KLF18: variants seen among roughly 807,000 people sequenced by gnomAD.
KLF18 encodes Kruppel-like factor 18.
chr1:44,138,829 A>G lies in KLF18; in HGVS notation c.2803T>C (p.Ser935Pro). 2.5e-6 allele frequency: 1 copy of G among 398,648 alleles called. No homozygotes were observed. The highest frequency in any genetic ancestry group is 4.4e-6 in the Non-Finnish European group (1 of 226,076). The allele number at this position is 398,648 out of a possible 1,614,324, so 24.7% of individuals were successfully genotyped here. Residue 935 changes from serine (S) to proline (P), a missense_variant, in exon 1 of 2, where the codon TCA (serine) becomes CCA (proline). Ser to Pro is a moderately conservative substitution (Grantham distance 74). Transcript: ENST00000634670. ...TGTCCTTGAATCAAATGGGAACTTG[A>G]AAAGCATAGGAATCCTGGGTATGGC... The part of the protein sequence containing the change: ...SLPYPGFLCF[S>P]SSHLIQGQLP...
In KLF18 at chr1:44,138,829, A is replaced by C. The variant is rs1643196591; in HGVS notation, c.2803T>G (p.Ser935Ala). The C allele has an allele frequency of 2.0e-5, 8 of 398,530 alleles. No homozygotes were observed. The highest frequency in any genetic ancestry group is 8.8e-6 in the Non-Finnish European group (2 of 226,084). 24.7% of individuals were successfully genotyped at this position (398,530 alleles called of 1,614,324 possible). A position where few individuals can be genotyped will look rare whatever the true frequency, so the allele number is the denominator to read the frequency against. Residue 935 changes from serine to alanine, a missense_variant, in exon 1 of 2, where the codon TCA (serine) becomes GCA (alanine). Ser to Ala is a moderately conservative substitution (Grantham distance 99). Coordinates refer to ENST00000634670, the MANE Select transcript of KLF18 (RefSeq NM_001358438.1). ...TGTCCTTGAATCAAATGGGAACTTG[A>C]AAAGCATAGGAATCCTGGGTATGGC... Reference protein sequence around the residue: ...SLPYPGFLCFSSSHLIQGQLP... With the variant: ...SLPYPGFLCFASSHLIQGQLP...
In KLF18 at chr1:44,139,256, G is replaced by T. The variant is rs1210312897; in HGVS notation, c.2376C>A (p.Thr792=). The T allele has an allele frequency of 2.6e-5, 10 of 390,008 alleles. No homozygotes were observed. In the East Asian group the frequency reaches 3.7e-4, roughly 14 times the overall value. 24.2% of individuals were successfully genotyped at this position (390,008 alleles called of 1,614,324 possible). ...AGGTCGTCACCTGCTCCCCACAGAG[G>T]GTCTGGTTACTAGTGGGGGTCGTCA... ...EQMTTPTSNQ[T]LCGEQVTTST... Residue 792 remains threonine (T), a synonymous_variant, in exon 1 of 2, where the codon ACC becomes ACA. Transcript: ENST00000634670.
rs1284538247 is a variant in KLF18, at chr1:44,139,795, C to A, written c.1837G>T (p.Gly613Trp). The A allele has an allele frequency of 5.1e-6, 2 of 389,688 alleles. No homozygotes were observed. Among genetic ancestry groups the A allele is most frequent in the African/African-American group, 2.1e-5 (1 of 46,826 alleles). 24.1% of individuals were successfully genotyped at this position (389,688 alleles called of 1,614,324 possible). Residue 613 changes from glycine to tryptophan, a missense_variant, in exon 1 of 2, where the codon GGG (glycine) becomes TGG (tryptophan). Transcript: ENST00000634670. ...CCAGTGGAGGTCATCATCTGCCCCC[C>A]ATAGAGGGCCTGGTTACCAGTGGAG... ...TTSTGNQALY[G>W]GQMMTSTGNQ...
Position 44,139,163 on chromosome 1 carries a change from T to C in KLF18, c.2469A>G (p.Gly823=), listed in dbSNP as rs77296247. 1.9e-5 allele frequency: 7 copies of C among 375,200 alleles called. No individual in the cohort carries two copies. Among genetic ancestry groups the C allele is most frequent in the East Asian group, 7.5e-5 (2 of 26,686 alleles). 23.2% of individuals were successfully genotyped at this position (375,200 alleles called of 1,614,324 possible). The part of the protein sequence containing the change: ...TTSTSNQTLC[G]EQMTTSTSNQ... ...TACTAGTGGAGGTCGTCATCTGCTC[T>C]CCACAGAGGGTCTGGTTACTAGTGG... The change falls in exon 1 of 2, where the codon GGA becomes GGG. Residue 823 remains glycine, a synonymous_variant. Coordinates refer to ENST00000634670, the MANE Select transcript of KLF18 (RefSeq NM_001358438.1).
Position 44,140,794 on chromosome 1 carries a change from T to C in KLF18, c.838A>G (p.Met280Val). 1 of 398,126 alleles carries C rather than the reference T, an allele frequency of 2.5e-6. No homozygotes were observed. The highest frequency in any genetic ancestry group is 4.4e-6 in the Non-Finnish European group (1 of 226,088). The allele number at this position is 398,126 out of a possible 1,614,324, so 24.7% of individuals were successfully genotyped here. A position where few individuals can be genotyped will look rare whatever the true frequency, so the allele number is the denominator to read the frequency against. Residue 280 changes from methionine to valine, a missense_variant, in exon 1 of 2, where the codon ATG (methionine) becomes GTG (valine). Transcript: ENST00000634670. ...TGNQALYGGQ[M>V]TTSASNQTLC... ...GTCTGGTTACTAGCGGAGGTCGTCA[T>C]CTGCCCCCCATAGAGGGCCTGGTTA...
rs1045781511 is a variant in KLF18, at chr1:44,139,354, T to C, written c.2278A>G (p.Thr760Ala). The C allele has an allele frequency of 2.9e-6, 1 of 341,346 alleles. No homozygotes were observed. Among genetic ancestry groups the C allele is most frequent in the Non-Finnish European group, 5.2e-6 (1 of 192,818 alleles). The allele number at this position is 341,346 out of a possible 1,614,324, so 21.1% of individuals were successfully genotyped here. A position where few individuals can be genotyped will look rare whatever the true frequency, so the allele number is the denominator to read the frequency against. Residue 760 changes from threonine to alanine, a missense_variant, in exon 1 of 2, where the codon ACT (threonine) becomes GCT (alanine). Physicochemically the swap from Thr to Ala is moderately conservative, Grantham distance 58. Transcript: ENST00000634670. ...CCCCCGTAGAGGGCCTGGTTACCAG[T>C]GGAGGTTGTCATCTGCTCTCCACAG... ...NLCGEQMTTSTGNQALYGGQM... is the reference protein window; with the variant it reads ...NLCGEQMTTSAGNQALYGGQM...
Position 44,140,171 on chromosome 1 carries a change from C to G in KLF18, c.1461G>C (p.Gly487=). 2.6e-6 allele frequency: 1 copy of G among 387,886 alleles called. No homozygotes were observed. Among genetic ancestry groups the G allele is most frequent in the Non-Finnish European group, 4.5e-6 (1 of 223,402 alleles). The allele number at this position is 387,886 out of a possible 1,614,324, so 24.0% of individuals were successfully genotyped here. Residue 487 remains glycine, a synonymous_variant, in exon 1 of 2, where the codon GGG becomes GGC. Transcript: ENST00000634670. ...TTSTGNQALY[G]GQMMTSTGNQ... ...TACCAGTGGAGGTCATCATCTGCCC[C>G]CCGTAGAGGGCCTGGTTACCAGTGG...
At position 44,138,576 on chromosome 1, in the gene KLF18, T is replaced by G. The variant is rs556635892; in HGVS notation, c.2968+88A>C. The G allele has an allele frequency of 8.8e-5, 35 of 397,460 alleles. No individual in the cohort carries two copies. In the South Asian group the frequency reaches 4.0e-3, roughly 45 times the overall value. The allele number at this position is 397,460 out of a possible 1,614,324, so 24.6% of individuals were successfully genotyped here. ...TTATAGAATTTTTTGAATCCCTGGC[T>G]TAAAGGAAGTGGCAGCAATCTCAAA... On this transcript the variant is annotated intron_variant, in intron 1 of 1. Transcript: ENST00000634670.
rs1465880732 is a variant in KLF18 at position 44,140,272 on chromosome 1, T to C, written c.1360A>G (p.Asn454Asp). The C allele has an allele frequency of 1.0e-5, 4 of 393,842 alleles. No individual in the cohort carries two copies. The highest frequency in any genetic ancestry group is 1.3e-3 in the Middle Eastern group (2 of 1,600). 24.4% of individuals were successfully genotyped at this position (393,842 alleles called of 1,614,324 possible). ...CGEQVMTSTS[N>D]QTLCGEQTTT... is the part of the protein sequence containing the mutation. ...GTCTGCTCTCCACAGAGGGTCTGGT[T>C]ACTAGTGGAGGTCATCACTTGCTCT... Residue 454 changes from asparagine (N) to aspartate (D), a missense_variant, in exon 1 of 2, where the codon AAC becomes GAC. Coordinates refer to ENST00000634670, the MANE Select transcript of KLF18 (RefSeq NM_001358438.1).
In KLF18 at chr1:44,139,970, G is replaced by A. The variant is rs1480377582; in HGVS notation, c.1662C>T (p.Thr554=). The A allele has an allele frequency of 2.6e-6, 1 of 386,934 alleles. No individual in the cohort carries two copies. The highest frequency in any genetic ancestry group is 4.5e-5 in the Admixed American group (1 of 22,164). The allele number at this position is 386,934 out of a possible 1,614,324, so 24.0% of individuals were successfully genotyped here. ...EQMTTPTSNQ[T]LCGEQVTTST... is the part of the protein sequence containing the mutation. ...AGGTCGTCACCTGCTCCCCACAGAG[G>A]GTCTGGTTACTAGTGGGGGTCGTCA... The change falls in exon 1 of 2, where the codon ACC becomes ACT. Residue 554 remains threonine, a synonymous_variant. Transcript: ENST00000634670.
chr1:44,138,460 G>T (rs1447457751), intron 1 of KLF18, among the ~76,000 whole-genome samples: 1 of 140,018 alleles, frequency 7.1e-6, no homozygotes, highest in African/African-American at 2.5e-5. Flanking sequence ...GCCTGGCTCT[G>T]GTCCAGGACT....
rs1386278561 is a variant in KLF18, at chr1:44,139,764, T to A, written c.1868A>T (p.Gln623Leu). ...TGTCATCTGCCCCCCGTAGAGGGCC[T>A]GGTTACCAGTGGAGGTCATCATCTG... ...GGQMMTSTGN[Q>L]ALYGGQMTTS... The change falls in exon 1 of 2, where the codon CAG (glutamine) becomes CTG (leucine). Residue 623 changes from glutamine to leucine, a missense_variant. Coordinates refer to ENST00000634670, the MANE Select transcript of KLF18 (RefSeq NM_001358438.1). 5.1e-6 allele frequency: 2 copies of A among 392,688 alleles called. No individual in the cohort carries two copies. Among genetic ancestry groups the A allele is most frequent in the Non-Finnish European group, 9.0e-6 (2 of 223,146 alleles). The allele number at this position is 392,688 out of a possible 1,614,324, so 24.3% of individuals were successfully genotyped here.
In KLF18 at chr1:44,138,870, T is replaced by C. The variant is rs1459435728; in HGVS notation, c.2762A>G (p.His921Arg). Residue 921 changes from histidine to arginine, a missense_variant, in exon 1 of 2, where the codon CAT (histidine) becomes CGT (arginine). Coordinates refer to ENST00000634670, the MANE Select transcript of KLF18 (RefSeq NM_001358438.1). ...TGGGTATGGCAATGATGAGAACTGATGGGACATCATATATCCCCCATAAAG... is the reference window on the plus strand; with the variant it reads ...TGGGTATGGCAATGATGAGAACTGACGGGACATCATATATCCCCCATAAAG... ...HSLYGGYMMS[H>R]QFSSLPYPGF... 7.5e-6 allele frequency: 3 copies of C among 398,516 alleles called. No individual in the cohort carries two copies. The highest frequency in any genetic ancestry group is 1.3e-5 in the Non-Finnish European group (3 of 226,066). 24.7% of individuals were successfully genotyped at this position (398,516 alleles called of 1,614,324 possible).
In KLF18 at chr1:44,139,799, G is replaced by T. The variant is rs1316921946; in HGVS notation, c.1833C>A (p.Leu611=). The T allele has an allele frequency of 5.1e-6, 2 of 389,366 alleles. No individual in the cohort carries two copies. The highest frequency in any genetic ancestry group is 4.5e-5 in the Admixed American group (1 of 22,214). The allele number at this position is 389,366 out of a possible 1,614,324, so 24.1% of individuals were successfully genotyped here. A position where few individuals can be genotyped will look rare whatever the true frequency, so the allele number is the denominator to read the frequency against. ...QVTTSTGNQA[L]YGGQMMTSTG... is the part of the protein sequence containing the mutation. ...TGGAGGTCATCATCTGCCCCCCATAGAGGGCCTGGTTACCAGTGGAGGTCG... is the reference window on the plus strand; with the variant it reads ...TGGAGGTCATCATCTGCCCCCCATATAGGGCCTGGTTACCAGTGGAGGTCG... The change falls in exon 1 of 2, where the codon CTC becomes CTA. Residue 611 remains leucine (L), a synonymous_variant. Coordinates refer to ENST00000634670, the MANE Select transcript of KLF18 (RefSeq NM_001358438.1).
In KLF18 at chr1:44,140,311, GGTT is replaced by G. The variant is rs1643226282; in HGVS notation, c.1318_1320del (p.Asn440del). ...ATCACTTGCTCTCCACAGAGGTTCT[GGTT>G]ACCAGTGGAGGTCGTCATCTGCCCT... On this transcript the variant is annotated inframe_deletion, in exon 1 of 2. Coordinates refer to ENST00000634670, the MANE Select transcript of KLF18 (RefSeq NM_001358438.1). The G allele has an allele frequency of 3.4e-6, 1 of 295,030 alleles. No individual in the cohort carries two copies. The highest frequency in any genetic ancestry group is 3.2e-5 in the African/African-American group (1 of 31,662). 18.3% of individuals were successfully genotyped at this position (295,030 alleles called of 1,614,324 possible). A position where few individuals can be genotyped will look rare whatever the true frequency, so the allele number is the denominator to read the frequency against.
rs1643221533 is a variant in KLF18 at position 44,140,095 on chromosome 1, GGTT to G, written c.1534_1536del (p.Asn512del). ...GAGGTTGTCATCTGCTCTCCACAGA[GGTT>G]CTGGTTACCAGTGGAGGTCATCATC... On this transcript the variant is annotated inframe_deletion, in exon 1 of 2. Coordinates refer to ENST00000634670, the MANE Select transcript of KLF18 (RefSeq NM_001358438.1). The G allele has an allele frequency of 2.5e-6, 1 of 392,974 alleles. No homozygotes were observed. The highest frequency in any genetic ancestry group is 2.1e-5 in the African/African-American group (1 of 46,726). The allele number at this position is 392,974 out of a possible 1,614,324, so 24.3% of individuals were successfully genotyped here. A position where few individuals can be genotyped will look rare whatever the true frequency, so the allele number is the denominator to read the frequency against.
chr1:44,138,609 G>GGGCTTTGTAAA (rs1557736716), intron 1 of KLF18, 55 bp downstream of exon 1: 23 of 397,486 alleles, frequency 5.8e-5, no homozygotes, highest in African/African-American at 4.3e-4. Flanking sequence ...AAATGCTTCC[G>GGGCTTTGTAAA]GGCACAAATC....
chr1:44,140,836 T>C lies in KLF18; in HGVS notation c.796A>G (p.Met266Val), dbSNP rs1323494982. 2 of 397,594 alleles carry C rather than the reference T, an allele frequency of 5.0e-6. No individual in the cohort carries two copies. Among genetic ancestry groups the C allele is most frequent in the African/African-American group, 4.1e-5 (2 of 48,260 alleles). The allele number at this position is 397,594 out of a possible 1,614,324, so 24.6% of individuals were successfully genotyped here. A position where few individuals can be genotyped will look rare whatever the true frequency, so the allele number is the denominator to read the frequency against. The change falls in exon 1 of 2, where the codon ATG becomes GTG. Residue 266 changes from methionine to valine, a missense_variant. By Grantham distance (21) the Met-to-Val change is conservative (BLOSUM62 1). Coordinates refer to ENST00000634670, the MANE Select transcript of KLF18 (RefSeq NM_001358438.1). ...GCCTGGTTACCAGTGGAGGTTGTCA[T>C]CTGCTCTCCACAGAGGGTCTGGTTA... ...TGNQTLCGEQ[M>V]TTSTGNQALY...
At position 44,141,232 on chromosome 1, in the gene KLF18, T is replaced by C; in HGVS notation, c.400A>G (p.Thr134Ala). 1 of 398,694 alleles carries C rather than the reference T, an allele frequency of 2.5e-6. No individual in the cohort carries two copies. Among genetic ancestry groups the C allele is most frequent in the South Asian group, 1.3e-4 (1 of 7,862 alleles). The allele number at this position is 398,694 out of a possible 1,614,324, so 24.7% of individuals were successfully genotyped here. A position where few individuals can be genotyped will look rare whatever the true frequency, so the allele number is the denominator to read the frequency against. The change falls in exon 1 of 2, where the codon ACA becomes GCA. Residue 134 changes from threonine (T) to alanine (A), a missense_variant. By Grantham distance (58) the Thr-to-Ala change is moderately conservative (BLOSUM62 0). Transcript: ENST00000634670. ...PKSSPTDCQK[T>A]TITASNMTIS... The stretch of plus-strand genomic sequence containing the variant: ...GTCATGTTGCTTGCAGTGATGGTTG[T>C]CTTCTGGCAATCAGTGGGTGATGAC...
Sources: gnomAD v4.1 joint callset for allele counts (sites outside exome capture counted in the v4.1 genomes callset) on GRCh38, gnomAD v4.1.1 for gene constraint, MANE v1.5 for transcripts, NCBI Gene and HGNC (gene_info 2026-07-23, HGNC 2026-07-21) for gene names.